Variants in EPHB6 observed in about 807,000 individuals in gnomAD.
EPHB6 encodes ephrin type-B receptor 6.
EPHB6 carries 51 observed loss-of-function variants against 107.0 expected under a neutral mutation model. That is an observed-to-expected ratio of 0.48 (90% CI 0.38 to 0.60). The LOEUF is 0.60. Ranked by LOEUF, EPHB6 falls within the 20% of genes least tolerant of loss-of-function variation. EPHB6 has a pLI of 0.00. For synonymous variants in EPHB6, 553 were observed against 549.0 expected (o/e 1.01, Z -0.10); for missense variants, 1,141 against 1,355.5 (o/e 0.84, Z 2.48).
In EPHB6 at chr7:142,865,965, C is replaced by G; in HGVS notation, c.1111C>G (p.Pro371Ala). 6.2e-7 allele frequency: 1 copy of G among 1,613,890 alleles called. No individual in the cohort carries two copies. The highest frequency in any genetic ancestry group is 8.5e-7 in the Non-Finnish European group (1 of 1,180,034). Residue 371 changes from proline to alanine, a missense_variant, in exon 9 of 20, where the codon CCA becomes GCA. By Grantham distance (27) the Pro-to-Ala change is conservative. This residue lies in a region of EPHB6 where 304 missense variants were observed against 295.7 expected (regional missense o/e 1.03). Transcript: ENST00000652003. ...CATATCCTCCGGCCCCCCAGGTCCTCCATCGGCTCCCCAGGAGCTTTGGTT... is the reference window on the plus strand; with the variant it reads ...CATATCCTCCGGCCCCCCAGGTCCTGCATCGGCTCCCCAGGAGCTTTGGTT... Reference protein sequence around the residue: ...DPPEAPCTGPPSAPQELWFEV... With the variant: ...DPPEAPCTGPASAPQELWFEV...
At position 142,866,197 on chromosome 7, in the gene EPHB6, T is replaced by C; in HGVS notation, c.1343T>C (p.Val448Ala). The C allele has an allele frequency of 6.2e-7, 1 of 1,613,958 alleles. No individual in the cohort carries two copies. The highest frequency in any genetic ancestry group is 8.5e-7 in the Non-Finnish European group (1 of 1,179,964). ...GGCCTGACTGAGAGCCGAGTGTTAG[T>C]GGGGGGACTCCGGGCACACGTACCC... is the stretch of plus-strand genomic sequence containing the variant. ...QRGLTESRVL[V>A]GGLRAHVPYI... Residue 448 changes from valine (V) to alanine (A), a missense_variant, in exon 9 of 20, where the codon GTG becomes GCG. By Grantham distance (64) the Val-to-Ala change is moderately conservative. Transcript: ENST00000652003. This position sits in a 1 kb window ranked among gnomAD's most constrained non-coding sequence, Gnocchi z 5.2.
At chr7:142,862,882 C>G (rs1802909293) in intron 4 of EPHB6, 49 bp downstream of exon 4, 1 of 281,666 alleles carries the variant, frequency 3.6e-6, no homozygotes, top group Non-Finnish European at 6.7e-6. Flanking sequence ...GGAAGGAGAG[C>G]TGTGAGAAAT....
In EPHB6 at chr7:142,869,678, T is replaced by A; in HGVS notation, c.2461-139T>A. Reference sequence around the variant, plus strand: ...CTTCTGTGAAATGGAGATGATATCATCCACCTTAGAGGGTTGTTATGAGGA... The same window carrying A: ...CTTCTGTGAAATGGAGATGATATCAACCACCTTAGAGGGTTGTTATGAGGA... On this transcript the variant is annotated intron_variant, in intron 16 of 19. Transcript: ENST00000652003. This position sits in a 1 kb window ranked among gnomAD's most constrained non-coding sequence, Gnocchi z 4.5. 1.0e-6 allele frequency: 1 copy of A among 983,302 alleles called. No individual in the cohort carries two copies. Among genetic ancestry groups the A allele is most frequent in the Non-Finnish European group, 1.6e-6 (1 of 641,402 alleles). 60.9% of individuals were successfully genotyped at this position (983,302 alleles called of 1,614,324 possible). A position where few individuals can be genotyped will look rare whatever the true frequency, so the allele number is the denominator to read the frequency against.
rs1802862678 is a variant in EPHB6 at position 142,862,020 on chromosome 7, A to G, written c.-293A>G. 1 of 152,246 alleles carries G rather than the reference A, an allele frequency of 6.6e-6. No homozygotes were observed. The highest frequency in any genetic ancestry group is 6.5e-5 in the Admixed American group (1 of 15,288). The allele number at this position is 152,246 out of a possible 1,614,324, so 9.4% of individuals were successfully genotyped here. ...AATAGAAATATCTTTCTCACAGTCTAGATGCTGGGAAGTCCAAGATCAGGG... is the reference window on the plus strand; with the variant it reads ...AATAGAAATATCTTTCTCACAGTCTGGATGCTGGGAAGTCCAAGATCAGGG... On this transcript the variant is annotated 5_prime_UTR_variant, in exon 3 of 20. Coordinates refer to ENST00000652003, the MANE Select transcript of EPHB6 (RefSeq NM_004445.6).
Position 142,867,728 on chromosome 7 carries a change from TC to T in EPHB6, c.1865+10del. On this transcript the variant is annotated splice_region_variant and intron_variant, in intron 12 of 19. Transcript: ENST00000652003. This position sits in a 1 kb window ranked among gnomAD's most constrained non-coding sequence, Gnocchi z 5.3. The stretch of plus-strand genomic sequence containing the variant: ...CTGGCGGTCGTCTTCCAGCGGTGAG[TC>T]CCCACCCCTGCCCAACTCTGCCCAG... 1 of 1,605,420 alleles carries T rather than the reference TC, an allele frequency of 6.2e-7. No individual in the cohort carries two copies.
In EPHB6 at chr7:142,864,130, T is replaced by C; in HGVS notation, c.330T>C (p.Ser110=). Residue 110 remains serine (S), a synonymous_variant, in exon 7 of 20, where the codon TCT becomes TCC. Transcript: ENST00000652003. The part of the protein sequence containing the change: ...AQRAHIRLHF[S]VRACSSLGVS... ...GGGCGCACATTCGACTCCACTTCTC[T>C]GTGCGGGCATGCTCCAGCCTGGGTG... 6.2e-7 allele frequency: 1 copy of C among 1,614,026 alleles called. No individual in the cohort carries two copies. The highest frequency in any genetic ancestry group is 8.5e-7 in the Non-Finnish European group (1 of 1,180,034).
chr7:142,864,921 C>T lies in EPHB6; in HGVS notation c.949+172C>T, dbSNP rs778988143. ...TTATTTCTTAAAGCACTCAAACTTA[C>T]TATCACCCACTCATCTGAAATTTCT... On this transcript the variant is annotated intron_variant, in intron 7 of 19. Coordinates refer to ENST00000652003, the MANE Select transcript of EPHB6 (RefSeq NM_004445.6). 4.3e-4 allele frequency among the ~76,000 whole-genome samples: 66 copies of T among 152,238 alleles called. 2 individuals carry two copies. The highest frequency in any genetic ancestry group is 2.9e-5 in the Non-Finnish European group (2 of 68,044).
At chr7:142,860,039 T>C (rs551945496) in intron 1 of EPHB6, among the ~76,000 whole-genome samples, 6 of 152,362 alleles carry the variant, frequency 3.9e-5, no homozygotes, top group African/African-American at 1.4e-4. Flanking sequence ...ATCTTGCTAT[T>C]CATCTTCCAG....
Position 142,870,955 on chromosome 7 carries a change from T to C in EPHB6, c.*51T>C. Reference sequence around the variant, plus strand: ...CTGGACACTGGTCCGAGAAGGGACATGTGGGACGTGAGCCGGGCTCCAACA... The same window carrying C: ...CTGGACACTGGTCCGAGAAGGGACACGTGGGACGTGAGCCGGGCTCCAACA... On this transcript the variant is annotated 3_prime_UTR_variant, in exon 20 of 20. Transcript: ENST00000652003. 6.4e-7 allele frequency: 1 copy of C among 1,554,270 alleles called. No homozygotes were observed. Among genetic ancestry groups the C allele is most frequent in the Non-Finnish European group, 8.7e-7 (1 of 1,143,778 alleles).
chr7:142,864,391 C>G lies in EPHB6; in HGVS notation c.591C>G (p.Val197=), dbSNP rs1393997408. 1 of 1,613,074 alleles carries G rather than the reference C, an allele frequency of 6.2e-7. No individual in the cohort carries two copies. Among genetic ancestry groups the G allele is most frequent in the South Asian group, 1.1e-5 (1 of 91,088 alleles). ...AGCGGGCTGGACTGCAACTGAACGT[C>G]AAAGAGCGGAGCTTTGGGCCTCTCA... ...AGQRAGLQLN[V]KERSFGPLTQ... is the part of the protein sequence containing the mutation. Residue 197 remains valine, a synonymous_variant, in exon 7 of 20, where the codon GTC becomes GTG. Transcript: ENST00000652003.
Position 142,866,702 on chromosome 7 carries a change from G to A in EPHB6, c.1587+97G>A, listed in dbSNP as rs531939689. ...GTGACCAGGTGCACAGGAGGAATGAGGGGTCCGCAACAGGGCTGGCAGGAG... is the reference window on the plus strand; with the variant it reads ...GTGACCAGGTGCACAGGAGGAATGAAGGGTCCGCAACAGGGCTGGCAGGAG... On this transcript the variant is annotated intron_variant, in intron 10 of 19. Transcript: ENST00000652003. The surrounding 1 kb of genome is among the most constrained non-coding windows in gnomAD (Gnocchi z 5.2). 168 of 1,606,048 alleles carry A rather than the reference G, an allele frequency of 1.0e-4. 2 individuals carry two copies. The Admixed American group carries it at 2.7e-3, about 26-fold the overall frequency.
rs1220313891 is a variant in EPHB6 at position 142,855,534 on chromosome 7, A to G, written c.-432+149A>G. On this transcript the variant is annotated intron_variant, in intron 1 of 19. Transcript: ENST00000652003. The surrounding 1 kb of genome is among the most constrained non-coding windows in gnomAD (Gnocchi z 4.2). ...ACTGAGGATCCTTCCTCAAGGCCAGAGTGGGGTTCATGAAGGGTGAGGAAA... is the reference window on the plus strand; with the variant it reads ...ACTGAGGATCCTTCCTCAAGGCCAGGGTGGGGTTCATGAAGGGTGAGGAAA... 1 of 152,276 alleles carries G rather than the reference A, an allele frequency of 6.6e-6. No homozygotes were observed. The highest frequency in any genetic ancestry group is 1.5e-5 in the Non-Finnish European group (1 of 68,146). The allele number at this position is 152,276 out of a possible 1,614,324, so 9.4% of individuals were successfully genotyped here. A position where few individuals can be genotyped will look rare whatever the true frequency, so the allele number is the denominator to read the frequency against.
chr7:142,865,810 C>T, intron 8 of EPHB6, 150 bp from the exon 9 acceptor site: 1 of 1,122,644 alleles, frequency 8.9e-7, no homozygotes, highest in Non-Finnish European at 1.3e-6. Context: ...TTCCCTGGGC[C>T]CACATCCTGC....
chr7:142,863,594 G>A (rs775679820), intron 5 of EPHB6, 37 bp from the exon 6 acceptor site: 4 of 1,609,130 alleles, frequency 2.5e-6, no homozygotes, highest in Non-Finnish European at 3.4e-6. Context: ...GCTGGCTGGA[G>A]GCTTGGCCAC....
At chr7:142,856,434 C>G (rs1802616186) in intron 1 of EPHB6, among the ~76,000 whole-genome samples, 1 of 152,154 alleles carries the variant, frequency 6.6e-6, no homozygotes. Flanking sequence ...GTCTATTACT[C>G]CATTCAGGGT....
At position 142,864,854 on chromosome 7, in the gene EPHB6, G is replaced by A. The variant is rs1803068089; in HGVS notation, c.949+105G>A. 1.1e-5 allele frequency: 15 copies of A among 1,399,828 alleles called. 2 individuals carry two copies. The South Asian group carries it at 1.7e-4, about 16-fold the overall frequency. The allele number at this position is 1,399,828 out of a possible 1,614,324, so 86.7% of individuals were successfully genotyped here. A position where few individuals can be genotyped will look rare whatever the true frequency, so the allele number is the denominator to read the frequency against. ...AATTCATTTTATCTGCAAAAGGTCA[G>A]GAATAAGCCATCTTAGGAAAGGACC... On this transcript the variant is annotated intron_variant, in intron 7 of 19. Coordinates refer to ENST00000652003, the MANE Select transcript of EPHB6 (RefSeq NM_004445.6).
chr7:142,870,968 C>T lies in EPHB6; in HGVS notation c.*64C>T. On this transcript the variant is annotated 3_prime_UTR_variant, in exon 20 of 20. Transcript: ENST00000652003. ...CGAGAAGGGACATGTGGGACGTGAG[C>T]CGGGCTCCAACAGCCTCTGTGAGAG... 2.0e-6 allele frequency: 3 copies of T among 1,498,230 alleles called. No individual in the cohort carries two copies. In the South Asian group the frequency reaches 3.5e-5, roughly 18 times the overall value. The allele number at this position is 1,498,230 out of a possible 1,614,324, so 92.8% of individuals were successfully genotyped here.
rs151277713 is a variant in EPHB6 at position 142,864,229 on chromosome 7, C to G, written c.429C>G (p.Ser143Arg). Residue 143 changes from serine (S) to arginine (R), a missense_variant, in exon 7 of 20, where the codon AGC becomes AGG. This residue lies in a region of EPHB6 where 221 missense variants were observed against 300.5 expected (regional missense o/e 0.74). Transcript: ENST00000652003. ...RQAEEPDSPD[S>R]VSSWHLKRWT... ...CTGAGGAGCCCGACAGCCCTGACAG[C>G]GTTTCCTCCTGGCACCTCAAACGCT... 9 of 1,613,838 alleles carry G rather than the reference C, an allele frequency of 5.6e-6. No homozygotes were observed. The African/African-American group carries it at 1.2e-4, about 22-fold the overall frequency.
chr7:142,863,412 G>A, intron 5 of EPHB6, 85 bp downstream of exon 5: 1 of 1,387,436 alleles, frequency 7.2e-7, no homozygotes, highest in Non-Finnish European at 1.0e-6. Context: ...AGAAAAGGTA[G>A]ATAAGAGTGA....
Sources: allele counts gnomAD v4.1 joint callset (sites outside exome capture counted in the v4.1 genomes callset), GRCh38; gene constraint gnomAD v4.1.1; regional missense constraint gnomAD v4.1.1; non-coding constraint Gnocchi (gnomAD v3.1); transcripts MANE v1.5; gene names NCBI Gene and HGNC (gene_info 2026-07-23, HGNC 2026-07-21).